Variants in MIR2052HG observed in about 807,000 individuals in gnomAD.
MIR2052HG encodes MIR2052 host gene.
intron 2 of MIR2052HG, among the ~76,000 whole-genome samples, chr8:74,699,489 G>A (rs887685613): frequency 2.0e-5 from 3 of 151,866 alleles, no homozygotes; most frequent in Middle Eastern, 3.4e-3. Context: ...GGCATTCGCA[G>A]CAACCTGGAT....
intron 4 of MIR2052HG, among the ~76,000 whole-genome samples, chr8:74,714,462 T>A (rs1809500453): frequency 6.6e-6 from 1 of 152,186 alleles, no homozygotes; most frequent in Non-Finnish European, 1.5e-5. Context: ...TTATATAGAT[T>A]TAGTCAGTGT....
chr8:74,727,973 C>A (rs892362061), intron 4 of MIR2052HG, among the ~76,000 whole-genome samples: 2 of 150,766 alleles, frequency 1.3e-5, no homozygotes, highest in African/African-American at 5.0e-5. Flanking sequence ...ATGTAAAGTG[C>A]CAACCAAATG....
At chr8:74,644,525 T>G (rs553795123) in intron 2 of MIR2052HG, among the ~76,000 whole-genome samples, 3 of 152,298 alleles carry the variant, frequency 2.0e-5, no homozygotes, top group African/African-American at 7.2e-5. Context: ...TCAGAAAATA[T>G]CCGTTTCGTT....
chr8:74,732,677 C>A (rs1809704643), intron 4 of MIR2052HG, among the ~76,000 whole-genome samples: 1 of 152,126 alleles, frequency 6.6e-6, no homozygotes, highest in South Asian at 2.1e-4. Flanking sequence ...ATATAGAACT[C>A]TCTCTGAGTA....
intron 2 of MIR2052HG, among the ~76,000 whole-genome samples, chr8:74,676,300 C>G (rs1809050794): frequency 6.6e-6 from 1 of 151,936 alleles, no homozygotes; most frequent in South Asian, 2.1e-4. Flanking sequence ...TGTCTGATGT[C>G]TCAGATTGAG....
intron 4 of MIR2052HG, among the ~76,000 whole-genome samples, chr8:74,732,655 C>A (rs578155409): frequency 3.3e-5 from 5 of 152,212 alleles, no homozygotes; most frequent in South Asian, 4.1e-4. Context: ...TGGAAGAATG[C>A]TGTTATTTTC....
intron 4 of MIR2052HG, among the ~76,000 whole-genome samples, chr8:74,738,237 G>A (rs1276918942): frequency 2.6e-5 from 4 of 151,834 alleles, no homozygotes; most frequent in Middle Eastern, 3.4e-3. Flanking sequence ...TACATGTACC[G>A]TATTTCCATT....
At chr8:74,734,210 G>T (rs975101292) in intron 4 of MIR2052HG, among the ~76,000 whole-genome samples, 2 of 151,990 alleles carry the variant, frequency 1.3e-5, no homozygotes, top group Non-Finnish European at 2.9e-5. Context: ...TTATGTTAAG[G>T]AGAAAATTCT....
At chr8:74,625,058 C>T (rs1808416508) in intron 2 of MIR2052HG, among the ~76,000 whole-genome samples, 1 of 151,820 alleles carries the variant, frequency 6.6e-6, no homozygotes, top group Admixed American at 6.6e-5. Context: ...GTTATGGAAC[C>T]TGAATACCTT....
intron 2 of MIR2052HG, among the ~76,000 whole-genome samples, chr8:74,651,103 AGT>A (rs1477820508): frequency 6.7e-6 from 1 of 148,988 alleles, no homozygotes; most frequent in African/African-American, 2.5e-5. Context: ...TTGTGATTGG[AGT>A]GAGTTAGTAA....
chr8:74,661,432 A>G (rs1808863475), intron 2 of MIR2052HG, among the ~76,000 whole-genome samples: 1 of 151,774 alleles, frequency 6.6e-6, no homozygotes, highest in African/African-American at 2.4e-5. Context: ...TGAACTCCTG[A>G]CCTCCTGATC....
chr8:74,747,026 C>T (rs1358520106), intron 4 of MIR2052HG, among the ~76,000 whole-genome samples: 1 of 152,062 alleles, frequency 6.6e-6, no homozygotes, highest in African/African-American at 2.4e-5. Context: ...GATTTGAGGA[C>T]ACTGATCCAT....
chr8:74,695,346 A>G (rs916344887), intron 2 of MIR2052HG, among the ~76,000 whole-genome samples: 4 of 152,194 alleles, frequency 2.6e-5, no homozygotes, highest in African/African-American at 9.7e-5. Flanking sequence ...AAATACACCA[A>G]AATAGAATCT....
chr8:74,741,963 A>C lies in MIR2052HG; in HGVS notation n.372-10478A>C, dbSNP rs114979260. On this transcript the variant is annotated intron_variant and non_coding_transcript_variant, in intron 4 of 6. Coordinates refer to ENST00000523442, the Ensembl canonical transcript of MIR2052HG. ...AGGAATGTGCTTAACAGGCAACTCA[A>C]ACTTTTTGCTACTCTGTGTATACCT... 8.6e-3 allele frequency among the ~76,000 whole-genome samples: 1,310 copies of C among 152,306 alleles called. 17 individuals carry two copies. Among genetic ancestry groups the C allele is most frequent in the African/African-American group, 0.03 (1,227 of 41,566 alleles).
chr8:74,704,268 T>G (rs1809386383), intron 4 of MIR2052HG, among the ~76,000 whole-genome samples: 1 of 152,064 alleles, frequency 6.6e-6, no homozygotes, highest in Non-Finnish European at 1.5e-5. Flanking sequence ...ATGAGAGCAT[T>G]GGCATGTGAT....
At chr8:74,648,226 G>A (rs1003743030) in intron 2 of MIR2052HG, among the ~76,000 whole-genome samples, 18 of 152,062 alleles carry the variant, frequency 1.2e-4, no homozygotes, top group Admixed American at 1.1e-3. Context: ...ATGCATTCCT[G>A]GGGGGAGGTC....
At chr8:74,669,625 C>T (rs1345134593) in intron 2 of MIR2052HG, among the ~76,000 whole-genome samples, 4 of 152,132 alleles carry the variant, frequency 2.6e-5, no homozygotes, top group Admixed American at 2.0e-4. Flanking sequence ...TTGATAGGCT[C>T]ACTACTTCTC....
intron 2 of MIR2052HG, among the ~76,000 whole-genome samples, chr8:74,614,820 A>T (rs1165620376): frequency 2.6e-5 from 4 of 151,702 alleles, no homozygotes; most frequent in African/African-American, 9.7e-5. Context: ...CACTGTTACC[A>T]CTAGGGATGA....
intron 2 of MIR2052HG, among the ~76,000 whole-genome samples, chr8:74,626,960 A>G (rs2128733509): frequency 6.6e-6 from 1 of 152,260 alleles, no homozygotes; most frequent in Admixed American, 6.5e-5. Context: ...TTTATGTTTT[A>G]TTTTCTGCTT....
Sources: gnomAD v4.1 joint callset for allele counts (sites outside exome capture counted in the v4.1 genomes callset) on GRCh38, gnomAD v4.1.1 for gene constraint, MANE v1.5 for transcripts, NCBI Gene and HGNC (gene_info 2026-07-23, HGNC 2026-07-21) for gene names.